BAZ1B: variants seen among roughly 807,000 people sequenced by gnomAD.
BAZ1B encodes tyrosine-protein kinase BAZ1B.
BAZ1B carries 22 observed loss-of-function variants against 153.8 expected under a neutral mutation model. That is an observed-to-expected ratio of 0.14 (90% CI 0.10 to 0.20). BAZ1B has a LOEUF of 0.20. Ranked by LOEUF, BAZ1B falls within the 10% of genes least tolerant of loss-of-function variation. The probability of loss-of-function intolerance (pLI) is 1.00; values close to 1 mark genes in which losing one functional copy is unlikely to be tolerated. For synonymous variants in BAZ1B, 676 were observed against 633.4 expected (o/e 1.07, Z -1.01); for missense variants, 1,325 against 1,799.3 (o/e 0.74, Z 4.77).
chr7:73,495,887 C>T (rs1743465219), intron 4 of BAZ1B, among the ~76,000 whole-genome samples: 2 of 152,156 alleles, frequency 1.3e-5, no homozygotes, highest in East Asian at 1.9e-4. Context: ...TAAAGAAAAA[C>T]AACTAATGGG....
At chr7:73,447,405 G>T in intron 15 of BAZ1B, 26 bp from the exon 16 acceptor site, 1 of 1,595,246 alleles carries the variant, frequency 6.3e-7, no homozygotes, top group Non-Finnish European at 8.5e-7. Context: ...ATAATGTAGG[G>T]AACACAGTTT....
chr7:73,488,348 T>TCAGATACCC (rs1460460990), intron 6 of BAZ1B, among the ~76,000 whole-genome samples: 3 of 152,190 alleles, frequency 2.0e-5, no homozygotes, highest in Non-Finnish European at 2.9e-5. Flanking sequence ...AGACTAGGCC[T>TCAGATACCC]CAGATACCCC....
rs1336715475 is a variant in BAZ1B, at chr7:73,467,658, A to G, written c.2867-1257T>C. The stretch of plus-strand genomic sequence containing the variant: ...AGTGCTGGGATTATAGGCATCAGCC[A>G]CTGCATCCAGCCTCAGTTGGGTAAT... On this transcript the variant is annotated intron_variant, in intron 9 of 19. Transcript: ENST00000339594. 2.0e-5 allele frequency among the ~76,000 whole-genome samples: 3 copies of G among 152,370 alleles called. No individual in the cohort carries two copies. The East Asian group carries it at 5.8e-4, about 29-fold the overall frequency.
At chr7:73,463,243 T>A in intron 11 of BAZ1B, 144 bp from the exon 12 acceptor site, 2 of 582,904 alleles carry the variant, frequency 3.4e-6, no homozygotes, top group Non-Finnish European at 5.3e-6. Flanking sequence ...TTTTTTCTTT[T>A]TTTTTTTTTT....
At chr7:73,461,023 T>A in intron 12 of BAZ1B, among the ~76,000 whole-genome samples, 1 of 152,102 alleles carries the variant, frequency 6.6e-6, no homozygotes, top group Non-Finnish European at 1.5e-5. Context: ...TCGTCCAGGC[T>A]GGAGTGCAAT....
At chr7:73,452,667 A>G (rs1349199924) in intron 13 of BAZ1B, among the ~76,000 whole-genome samples, 1 of 150,352 alleles carries the variant, frequency 6.7e-6, no homozygotes, top group South Asian at 2.1e-4. Context: ...GGCTGCAGTG[A>G]GCCGAGATTG....
intron 1 of BAZ1B, among the ~76,000 whole-genome samples, chr7:73,513,221 G>A (rs943514234): frequency 7.2e-5 from 11 of 152,154 alleles, no homozygotes; most frequent in Non-Finnish European, 1.6e-4. Context: ...CCAAAGTTAT[G>A]GGATTACAGG....
chr7:73,482,532 TAA>T (rs1554573836), intron 6 of BAZ1B, among the ~76,000 whole-genome samples: 1 of 152,220 alleles, frequency 6.6e-6, no homozygotes, highest in Non-Finnish European at 1.5e-5. Context: ...AAAAGGAGAC[TAA>T]GTTTCATTTT....
In BAZ1B at chr7:73,469,570, T is replaced by C. The variant is rs148624424; in HGVS notation, c.2813A>G (p.Asn938Ser). 96 of 1,614,162 alleles carry C rather than the reference T, an allele frequency of 5.9e-5. No individual in the cohort carries two copies. The African/African-American group carries it at 1.2e-3, about 20-fold the overall frequency. ...GACTGTGTGGTCTTTGCAGTGATGG[T>C]TGAATCGGTAGTCAATGCTGTCATG... The part of the protein sequence containing the change: ...WVHDSIDYRF[N>S]HHCKDHTVSG... Residue 938 changes from asparagine to serine, a missense_variant, in exon 9 of 20, where the codon AAC becomes AGC. Asn to Ser is a conservative substitution (Grantham distance 46, BLOSUM62 1). Transcript: ENST00000339594.
intron 13 of BAZ1B, among the ~76,000 whole-genome samples, chr7:73,458,674 C>CAAAA (rs11385760): frequency 4.5e-5 from 6 of 133,852 alleles, no homozygotes; most frequent in Non-Finnish European, 9.4e-5. Flanking sequence ...ACTCTTTCTC[C>CAAAA]AAAAAAAAAA....
At chr7:73,481,258 T>C (rs1432224269) in intron 6 of BAZ1B, among the ~76,000 whole-genome samples, 1 of 149,970 alleles carries the variant, frequency 6.7e-6, no homozygotes, top group Non-Finnish European at 1.5e-5. Flanking sequence ...CTGGGCGTGG[T>C]GGTTCACGCC....
rs376906638 is a variant in BAZ1B at position 73,477,641 on chromosome 7, A to G, written c.1820T>C (p.Phe607Ser). The G allele has an allele frequency of 1.2e-6, 2 of 1,614,184 alleles. No individual in the cohort carries two copies. The highest frequency in any genetic ancestry group is 1.1e-5 in the South Asian group (1 of 91,074). Residue 607 changes from phenylalanine to serine, a missense_variant, in exon 7 of 20, where the codon TTT becomes TCT. By Grantham distance (155) the Phe-to-Ser change is radical. Around this residue, in one of 9 missense-constraint regions of BAZ1B, gnomAD observed 154 missense variants for 266.3 expected, o/e 0.58. Transcript: ENST00000339594. This position sits in a 1 kb window ranked among gnomAD's most constrained non-coding sequence, Gnocchi z 5.6. Reference protein sequence around the residue: ...DTPEGLPNTLFGDVAMVVEFL... With the variant: ...DTPEGLPNTLSGDVAMVVEFL... The stretch of plus-strand genomic sequence containing the variant: ...TTCCACCACCATGGCCACATCCCCA[A>G]ACAGCGTGTTGGGCAGCCCTTCAGG...
At chr7:73,492,703 T>G (rs1179208266) in intron 5 of BAZ1B, 97 bp downstream of exon 5, 1 of 1,270,118 alleles carries the variant, frequency 7.9e-7, no homozygotes, top group Non-Finnish European at 1.1e-6. Flanking sequence ...TACATTCATT[T>G]ACATTTTTCT....
intron 9 of BAZ1B, among the ~76,000 whole-genome samples, chr7:73,468,104 C>T (rs1554571454): frequency 6.6e-6 from 1 of 152,164 alleles, no homozygotes; most frequent in Non-Finnish European, 1.5e-5. Context: ...AAAGATTTAT[C>T]GAAGAAGCAC....
chr7:73,482,341 C>T (rs1789234747), intron 6 of BAZ1B, among the ~76,000 whole-genome samples: 1 of 152,170 alleles, frequency 6.6e-6, no homozygotes, highest in African/African-American at 2.4e-5. Flanking sequence ...AATTGCAGAG[C>T]AAGACCCATT....
Position 73,477,151 on chromosome 7 carries a change from C to A in BAZ1B, c.2310G>T (p.Gln770His). 6.2e-7 allele frequency: 1 copy of A among 1,614,240 alleles called. No individual in the cohort carries two copies. The highest frequency in any genetic ancestry group is 8.5e-7 in the Non-Finnish European group (1 of 1,180,044). ...YSVQDHMETRQQMSAELWKER... is the reference protein window; with the variant it reads ...YSVQDHMETRHQMSAELWKER... ...CCTTCCACAACTCTGCAGACATCTG[C>A]TGTCTGGTCTCCATGTGGTCTTGCA... is the stretch of plus-strand genomic sequence containing the variant. Residue 770 changes from glutamine (Q) to histidine (H), a missense_variant, in exon 7 of 20, where the codon CAG becomes CAT. Physicochemically the swap from Gln to His is conservative, Grantham distance 24. Coordinates refer to ENST00000339594, the MANE Select transcript of BAZ1B (RefSeq NM_032408.4). The surrounding 1 kb of genome is among the most constrained non-coding windows in gnomAD (Gnocchi z 5.6).
In BAZ1B at chr7:73,450,087, AC is replaced by A. The variant is rs1180669197; in HGVS notation, c.3581-399del. Reference sequence around the variant, plus strand: ...TTTGGAGACAGAGTCTTGCTCTGTCACCCAGGCTGGAGTGCAGTGGCGCGAT... The same window carrying A: ...TTTGGAGACAGAGTCTTGCTCTGTCACCAGGCTGGAGTGCAGTGGCGCGAT... On this transcript the variant is annotated intron_variant, in intron 14 of 19. Coordinates refer to ENST00000339594, the MANE Select transcript of BAZ1B (RefSeq NM_032408.4). This position sits in a 1 kb window ranked among gnomAD's most constrained non-coding sequence, Gnocchi z 4.1. 6.6e-6 allele frequency among the ~76,000 whole-genome samples: 1 copy of A among 150,506 alleles called. No homozygotes were observed. Among genetic ancestry groups the A allele is most frequent in the Non-Finnish European group, 1.5e-5 (1 of 67,684 alleles).
At chr7:73,454,919 G>C (rs1404696885) in intron 13 of BAZ1B, among the ~76,000 whole-genome samples, 1 of 151,912 alleles carries the variant, frequency 6.6e-6, no homozygotes, top group African/African-American at 2.4e-5. Flanking sequence ...GCACTGGTGC[G>C]ATCTCGGCTC....
intron 5 of BAZ1B, among the ~76,000 whole-genome samples, chr7:73,491,176 C>T (rs1160788711): frequency 1.3e-5 from 2 of 151,972 alleles, no homozygotes; most frequent in African/African-American, 2.4e-5. Context: ...ATCCCAGCTA[C>T]TTGTGAGGCT....
Sources: allele counts gnomAD v4.1 joint callset (sites outside exome capture counted in the v4.1 genomes callset), GRCh38; gene constraint gnomAD v4.1.1; regional missense constraint gnomAD v4.1.1; non-coding constraint Gnocchi (gnomAD v3.1); transcripts MANE v1.5; gene names NCBI Gene and HGNC (gene_info 2026-07-23, HGNC 2026-07-21).